The following ETV6 variants were observed in gnomAD, a reference collection of about 807,000 sequenced individuals.
The protein encoded by ETV6 is transcription factor ETV6.
In ETV6, 16 loss-of-function variants were observed where a neutral mutation model predicts 51.1. The observed-to-expected ratio is 0.31, with a 90% CI of 0.21 to 0.48. ETV6 has a LOEUF of 0.48. ETV6 is among the 20% of genes least tolerant of loss of function. The pLI is 0.99. For missense variants in ETV6, 458 were observed against 594.8 expected (o/e 0.77, Z 2.39); for synonymous variants, 240 against 224.1 (o/e 1.07, Z -0.64).
chr12:11,738,556 C>T (rs1035849802), intron 1 of ETV6, among the ~76,000 whole-genome samples: 1 of 151,942 alleles, frequency 6.6e-6, no homozygotes, highest in African/African-American at 2.4e-5. Flanking sequence ...ATCCTCCTGC[C>T]TCTGCCTCCC....
rs527792076 is a variant in ETV6, at chr12:11,794,803, A to G, written c.163+42224A>G. Among the ~76,000 whole-genome samples the G allele has an allele frequency of 4.1e-4, 63 of 152,196 alleles. No homozygotes were observed. The South Asian group carries it at 9.3e-3, about 22-fold the overall frequency. ...AAAGTCTCTAGTTATCATTCCATGC[A>G]GACATCAATGAGATTTGCCATTGAG... On this transcript the variant is annotated intron_variant, in intron 2 of 7. Transcript: ENST00000396373.
At chr12:11,793,683 C>T (rs530159325) in intron 2 of ETV6, among the ~76,000 whole-genome samples, 35 of 152,270 alleles carry the variant, frequency 2.3e-4, no homozygotes, top group Middle Eastern at 3.4e-3. Flanking sequence ...TCTGTTTTGC[C>T]GCTCAGGAGG....
At position 11,891,144 on chromosome 12, in the gene ETV6, GGAAAAGGAAGCGACCCA is replaced by G; in HGVS notation, c.*103_*119del. 2 of 931,636 alleles carry G rather than the reference GGAAAAGGAAGCGACCCA, an allele frequency of 2.1e-6. No individual in the cohort carries two copies. Among genetic ancestry groups the G allele is most frequent in the Non-Finnish European group, 3.4e-6 (2 of 594,958 alleles). 57.7% of individuals were successfully genotyped at this position (931,636 alleles called of 1,614,324 possible). ...ACGGAGCAGGCGGGCTGAGGAGAGTGGAAAAGGAAGCGACCCAGAAATGGCAGGGACACTTCTCTTGC... is the reference window on the plus strand; with the variant it reads ...ACGGAGCAGGCGGGCTGAGGAGAGTGGAAATGGCAGGGACACTTCTCTTGC... On this transcript the variant is annotated 3_prime_UTR_variant, in exon 8 of 8. Transcript: ENST00000396373.
chr12:11,767,658 A>G (rs1162899967), intron 2 of ETV6, among the ~76,000 whole-genome samples: 2 of 152,232 alleles, frequency 1.3e-5, no homozygotes, highest in African/African-American at 2.4e-5. Flanking sequence ...ATCAAACTCT[A>G]TGACCTTAAT....
intron 2 of ETV6, among the ~76,000 whole-genome samples, chr12:11,795,510 T>C (rs548457291): frequency 6.6e-6 from 1 of 152,358 alleles, no homozygotes; most frequent in Non-Finnish European, 1.5e-5. Flanking sequence ...TTGGGAACCA[T>C]GATAGATTAT....
intron 2 of ETV6, among the ~76,000 whole-genome samples, chr12:11,788,068 C>T (rs779496453): frequency 6.6e-6 from 1 of 152,144 alleles, no homozygotes; most frequent in South Asian, 2.1e-4. Flanking sequence ...GCCTTTCCCT[C>T]CAACAAAGCA....
At chr12:11,699,909 C>T (rs767333446) in intron 1 of ETV6, among the ~76,000 whole-genome samples, 4 of 152,190 alleles carry the variant, frequency 2.6e-5, no homozygotes, top group Non-Finnish European at 5.9e-5. Context: ...AATTTGCCTT[C>T]CCTGAGCTCC....
chr12:11,862,468 G>A (rs1946731033), intron 4 of ETV6, among the ~76,000 whole-genome samples: 1 of 152,152 alleles, frequency 6.6e-6, no homozygotes, highest in Non-Finnish European at 1.5e-5. Flanking sequence ...CTTTTCTGGG[G>A]GCTAGAAGTC....
chr12:11,777,246 A>AC (rs1442235291), intron 2 of ETV6, among the ~76,000 whole-genome samples: 1 of 149,720 alleles, frequency 6.7e-6, no homozygotes. Flanking sequence ...TGTCAAAAAA[A>AC]AAAAAAAAAA....
intron 2 of ETV6, among the ~76,000 whole-genome samples, chr12:11,818,997 T>G (rs1946036850): frequency 6.6e-6 from 1 of 152,198 alleles, no homozygotes; most frequent in African/African-American, 2.4e-5. Flanking sequence ...TGAGCTCTTC[T>G]GCCTCAGCCT....
At chr12:11,726,102 T>C (rs1865483676) in intron 1 of ETV6, among the ~76,000 whole-genome samples, 1 of 152,246 alleles carries the variant, frequency 6.6e-6, no homozygotes, top group African/African-American at 2.4e-5. Flanking sequence ...GTGCCTCTTA[T>C]ATTTGGCCTA....
intron 1 of ETV6, among the ~76,000 whole-genome samples, chr12:11,729,912 C>T (rs537463643): frequency 6.6e-6 from 1 of 152,266 alleles, no homozygotes; most frequent in African/African-American, 2.4e-5. Context: ...GGTTTTATCC[C>T]TATGTGTTTT....
At chr12:11,803,769 A>G (rs1422616301) in intron 2 of ETV6, among the ~76,000 whole-genome samples, 2 of 152,236 alleles carry the variant, frequency 1.3e-5, no homozygotes, top group Non-Finnish European at 2.9e-5. Context: ...ATTAACTGGA[A>G]TATGTTATAA....
chr12:11,770,818 T>G (rs1451869227), intron 2 of ETV6, among the ~76,000 whole-genome samples: 1 of 152,086 alleles, frequency 6.6e-6, no homozygotes. Context: ...GAGGATTGCT[T>G]GATCCCATGA....
chr12:11,777,978 C>G (rs933635843), intron 2 of ETV6, among the ~76,000 whole-genome samples: 3 of 152,168 alleles, frequency 2.0e-5, no homozygotes, highest in Non-Finnish European at 4.4e-5. Flanking sequence ...TGCATTCCCC[C>G]AGCACACAGC....
chr12:11,661,735 G>A (rs745592159), intron 1 of ETV6, among the ~76,000 whole-genome samples: 61 of 152,362 alleles, frequency 4.0e-4, no homozygotes, highest in Non-Finnish European at 7.2e-4. Flanking sequence ...TGTTGGTGAG[G>A]TAAGAGTGTT....
chr12:11,819,702 C>G (rs1302345708), intron 2 of ETV6, among the ~76,000 whole-genome samples: 1 of 152,198 alleles, frequency 6.6e-6, no homozygotes, highest in African/African-American at 2.4e-5. Flanking sequence ...GAATTAATCT[C>G]TTAAGTTCCA....
At chr12:11,865,936 A>C (rs930288399) in intron 4 of ETV6, among the ~76,000 whole-genome samples, 1 of 152,036 alleles carries the variant, frequency 6.6e-6, no homozygotes, top group Admixed American at 6.6e-5. Flanking sequence ...ATTTGAGGAC[A>C]ATCTAGCCAT....
intron 2 of ETV6, among the ~76,000 whole-genome samples, chr12:11,820,321 G>T (rs1388080601): frequency 2.6e-5 from 4 of 152,154 alleles, no homozygotes. Context: ...CTGAAAATGG[G>T]CTAGAAGCTG....
Sources: allele counts gnomAD v4.1 joint callset (sites outside exome capture counted in the v4.1 genomes callset), GRCh38; gene constraint gnomAD v4.1.1; transcripts MANE v1.5; gene names NCBI Gene and HGNC (gene_info 2026-07-23, HGNC 2026-07-21).